CAMTA1: variants seen among roughly 807,000 people sequenced by gnomAD.
The protein encoded by CAMTA1 is calmodulin binding transcription activator 1.
Under a neutral mutation model 170.9 loss-of-function variants are expected in CAMTA1, and 27 were observed. The observed-to-expected ratio is 0.16, with a 90% CI of 0.12 to 0.22. The LOEUF (loss-of-function observed/expected upper bound fraction) is 0.22. Among genes scored for constraint, CAMTA1 ranks in the 10% least tolerant of loss-of-function variants. The probability of loss-of-function intolerance (pLI) is 1.00; values close to 1 mark genes in which losing one functional copy is unlikely to be tolerated. For missense variants in CAMTA1, 1,619 were observed against 2,217.2 expected, an observed-to-expected ratio of 0.73 and a Z score of 5.42; for synonymous variants, 833 against 891.5, an observed-to-expected ratio of 0.93 and a Z score of 1.17.
chr1:7,246,175 G>C (rs1665735750), intron 4 of CAMTA1, among the ~76,000 whole-genome samples: 1 of 152,352 alleles, frequency 6.6e-6, no homozygotes, highest in African/African-American at 2.4e-5. Flanking sequence ...GGGCAACTCT[G>C]GAGTCAGACC....
In CAMTA1 at chr1:7,078,914, C is replaced by A. The variant is rs561445417; in HGVS notation, c.235-12390C>A. 1.5e-4 allele frequency among the ~76,000 whole-genome samples: 23 copies of A among 152,248 alleles called. 1 individual carries two copies. In the South Asian group the frequency reaches 4.8e-3, roughly 32 times the overall value. ...GTTGATACATCTAGAATTTGCAGGG[C>A]AGAATATCATACAGGAGAAGGCCTG... On this transcript the variant is annotated intron_variant, in intron 3 of 22. Transcript: ENST00000303635.
chr1:7,276,403 G>A (rs1014588446), intron 5 of CAMTA1, among the ~76,000 whole-genome samples: 3 of 148,158 alleles, frequency 2.0e-5, no homozygotes, highest in African/African-American at 7.6e-5. Flanking sequence ...TCCGCCTCCT[G>A]GGTTCAAGCA....
chr1:7,331,069 G>T (rs1463154719), intron 5 of CAMTA1, among the ~76,000 whole-genome samples: 2 of 152,068 alleles, frequency 1.3e-5, no homozygotes, highest in Non-Finnish European at 2.9e-5. Context: ...GCAAAACCCC[G>T]TCTCTACTAA....
Position 7,463,578 on chromosome 1 carries a change from G to A in CAMTA1, c.439-4252G>A, listed in dbSNP as rs2093142801. 6.6e-6 allele frequency among the ~76,000 whole-genome samples: 1 copy of A among 152,134 alleles called. No homozygotes were observed. Among genetic ancestry groups the A allele is most frequent in the Non-Finnish European group, 1.5e-5 (1 of 68,022 alleles). ...AGAAGATGAGACAGATACAGAGATA[G>A]AGAAAGATAGAGACGGAAGAAGAGA... On this transcript the variant is annotated intron_variant, in intron 5 of 22. Coordinates refer to ENST00000303635, the MANE Select transcript of CAMTA1 (RefSeq NM_015215.4). This position sits in a 1 kb window ranked among gnomAD's most constrained non-coding sequence, Gnocchi z 4.7.
Position 7,609,051 on chromosome 1 carries a change from C to T in CAMTA1, c.511-31349C>T, listed in dbSNP as rs1458600553. ...GGAGTCTCCTGATGCAGGCTGGGCC[C>T]CCCGCAGGGGTGGGGGCAGTGCTGA... On this transcript the variant is annotated intron_variant, in intron 6 of 22. Transcript: ENST00000303635. This position sits in a 1 kb window ranked among gnomAD's most constrained non-coding sequence, Gnocchi z 4.4. 6.6e-6 allele frequency among the ~76,000 whole-genome samples: 1 copy of T among 152,088 alleles called. No homozygotes were observed. Among genetic ancestry groups the T allele is most frequent in the Non-Finnish European group, 1.5e-5 (1 of 68,014 alleles).
intron 16 of CAMTA1, among the ~76,000 whole-genome samples, chr1:7,744,336 T>A (rs1234773719): frequency 6.6e-6 from 1 of 151,498 alleles, no homozygotes; most frequent in African/African-American, 2.4e-5. Context: ...TTCATCATGT[T>A]GGCCAGGATG....
chr1:7,054,840 A>G (rs1041581730), intron 3 of CAMTA1, among the ~76,000 whole-genome samples: 2 of 152,202 alleles, frequency 1.3e-5, no homozygotes, highest in Non-Finnish European at 2.9e-5. Context: ...TAAATACAAG[A>G]AGTTTAATTG....
chr1:7,189,453 C>A (rs1001015668), intron 4 of CAMTA1, among the ~76,000 whole-genome samples: 1 of 152,066 alleles, frequency 6.6e-6, no homozygotes, highest in African/African-American at 2.4e-5. Context: ...CAAACAATCC[C>A]ATCAGAAAGT....
chr1:7,128,612 A>G (rs1423388384), intron 4 of CAMTA1, among the ~76,000 whole-genome samples: 2 of 151,708 alleles, frequency 1.3e-5, no homozygotes, highest in Non-Finnish European at 2.9e-5. Context: ...GGGTTACCTT[A>G]TTTCTAACTT....
chr1:7,440,490 G>A (rs924648639), intron 5 of CAMTA1, among the ~76,000 whole-genome samples: 5 of 152,250 alleles, frequency 3.3e-5, no homozygotes, highest in African/African-American at 4.8e-5. Flanking sequence ...TGATTGCGTC[G>A]TTCAGAGTGA....
intron 6 of CAMTA1, among the ~76,000 whole-genome samples, chr1:7,468,119 G>A (rs2093255416): frequency 6.6e-6 from 1 of 152,182 alleles, no homozygotes; most frequent in Admixed American, 6.5e-5. Context: ...TGGTGGCAGG[G>A]GTAGCTGTCA....
intron 6 of CAMTA1, among the ~76,000 whole-genome samples, chr1:7,471,154 G>A (rs2093323305): frequency 6.6e-6 from 1 of 152,222 alleles, no homozygotes; most frequent in East Asian, 1.9e-4. Flanking sequence ...AGGGGAGGGT[G>A]CTACCTCTCT....
In CAMTA1 at chr1:7,007,143, A is replaced by G. The variant is rs1344131339; in HGVS notation, c.235-84161A>G. On this transcript the variant is annotated intron_variant, in intron 3 of 22. Coordinates refer to ENST00000303635, the MANE Select transcript of CAMTA1 (RefSeq NM_015215.4). This position sits in a 1 kb window ranked among gnomAD's most constrained non-coding sequence, Gnocchi z 4.5. ...GGCTCGTGGTTGTTTGGTGGGCACCATGCTACCTCTGAGAAGAGAGGTGCT... is the reference window on the plus strand; with the variant it reads ...GGCTCGTGGTTGTTTGGTGGGCACCGTGCTACCTCTGAGAAGAGAGGTGCT... Among the ~76,000 whole-genome samples, 1 of 152,178 alleles carries G rather than the reference A, an allele frequency of 6.6e-6. No individual in the cohort carries two copies. The highest frequency in any genetic ancestry group is 1.5e-5 in the Non-Finnish European group (1 of 68,034).
intron 12 of CAMTA1, among the ~76,000 whole-genome samples, chr1:7,733,662 C>A (rs2096750089): frequency 8.2e-6 from 1 of 121,430 alleles, no homozygotes; most frequent in Non-Finnish European, 1.8e-5. Context: ...CTCCACTACT[C>A]AGTCGTTGCA....
chr1:7,473,861 G>A (rs773541613), intron 6 of CAMTA1, among the ~76,000 whole-genome samples: 1 of 152,248 alleles, frequency 6.6e-6, no homozygotes, highest in East Asian at 1.9e-4. Flanking sequence ...GCTGTGGAAC[G>A]CGATGGCCTC....
chr1:7,200,416 T>C (rs953055437), intron 4 of CAMTA1, among the ~76,000 whole-genome samples: 1 of 152,232 alleles, frequency 6.6e-6, no homozygotes, highest in Non-Finnish European at 1.5e-5. Flanking sequence ...ATTTCAACAA[T>C]TGTCCCAGTA....
chr1:6,822,829 C>CACACAA (rs1330736055), intron 2 of CAMTA1, among the ~76,000 whole-genome samples: 26 of 145,412 alleles, frequency 1.8e-4, no homozygotes, highest in African/African-American at 5.5e-4. Context: ...CACACACAAA[C>CACACAA]ACACACACAC....
chr1:7,099,094 G>A (rs1642423750), intron 4 of CAMTA1, among the ~76,000 whole-genome samples: 1 of 152,108 alleles, frequency 6.6e-6, no homozygotes, highest in Non-Finnish European at 1.5e-5. Flanking sequence ...CATCAGCCAG[G>A]CTGGAGTGCA....
chr1:7,493,711 G>A (rs566379319), intron 6 of CAMTA1, among the ~76,000 whole-genome samples: 1 of 152,120 alleles, frequency 6.6e-6, no homozygotes, highest in South Asian at 2.1e-4. Context: ...TAAACTCAGG[G>A]CACCTTCTCG....
Sources: gnomAD v4.1 joint callset for allele counts (sites outside exome capture counted in the v4.1 genomes callset) on GRCh38, gnomAD v4.1.1 for gene constraint, Gnocchi (gnomAD v3.1) non-coding constraint, MANE v1.5 for transcripts, NCBI Gene and HGNC (gene_info 2026-07-23, HGNC 2026-07-21) for gene names.